EYS: variants seen among roughly 807,000 people sequenced by gnomAD.
EYS encodes the protein EGF-like photoreceptor maintenance factor.
A neutral mutation model predicts 282.1 loss-of-function variants in EYS; 250 were observed. The ratio of observed to expected loss-of-function variants is 0.89; its 90% confidence interval spans 0.80 to 0.98. EYS has a LOEUF of 0.98. Among genes scored for constraint, EYS ranks in the 50% least tolerant of loss-of-function variants. The pLI, the probability that EYS is intolerant of heterozygous loss-of-function variation, is 0.00. For missense variants in EYS, 4,016 were observed against 3,709.0 expected (o/e 1.08, Z -2.15); for synonymous variants, 1,355 against 1,282.9 (o/e 1.06, Z -1.20).
intron 5 of EYS, among the ~76,000 whole-genome samples, chr6:65,471,527 T>C (rs1765217641): frequency 6.6e-6 from 1 of 152,220 alleles, no homozygotes; most frequent in South Asian, 2.1e-4. Context: ...CTTGGACAAC[T>C]TGCTTAGCAT....
In EYS at chr6:63,721,121, T is replaced by C; in HGVS notation, c.8910A>G (p.Pro2970=). The C allele has an allele frequency of 6.4e-7, 1 of 1,551,496 alleles. No homozygotes were observed. Among genetic ancestry groups the C allele is most frequent in the Non-Finnish European group, 8.7e-7 (1 of 1,146,796 alleles). ...ACTGGAGGTTTCTCATTCTATAATT[T>C]GGATCAATGTATTTAATGTAAGAAT... ...MGNSYIKYID[P]NYRMRNLQFT... The change falls in exon 43 of 43, where the codon CCA becomes CCG. Residue 2970 remains proline, a synonymous_variant. Transcript: ENST00000503581.
Position 64,447,459 on chromosome 6 carries a change from AT to A in EYS, c.5645-8108del, listed in dbSNP as rs59741593. Among the ~76,000 whole-genome samples, 914 of 150,558 alleles carry A rather than the reference AT, an allele frequency of 6.1e-3. 6 individuals carry two copies. The highest frequency in any genetic ancestry group is 0.016 in the African/African-American group (670 of 41,184). The stretch of plus-strand genomic sequence containing the variant: ...TTTACATATGCTTCTTGAAATTCTG[AT>A]TTTTTTTTTCCTGGCAATGTAAAGA... On this transcript the variant is annotated intron_variant, in intron 26 of 42. Coordinates refer to ENST00000503581, the MANE Select transcript of EYS (RefSeq NM_001142800.2).
At chr6:65,045,132 T>C (rs767119764) in intron 13 of EYS, among the ~76,000 whole-genome samples, 7 of 151,916 alleles carry the variant, frequency 4.6e-5, no homozygotes, top group Non-Finnish European at 8.8e-5. Flanking sequence ...GAATGGTTTG[T>C]CTATATGCTA....
chr6:65,072,339 G>C (rs1255102749), intron 12 of EYS, among the ~76,000 whole-genome samples: 1 of 151,688 alleles, frequency 6.6e-6, no homozygotes, highest in Non-Finnish European at 1.5e-5. Flanking sequence ...CATGCAAGCA[G>C]ATATACACCA....
At chr6:64,406,324 A>G (rs1424527160) in intron 28 of EYS, among the ~76,000 whole-genome samples, 1 of 152,234 alleles carries the variant, frequency 6.6e-6, no homozygotes, top group Admixed American at 6.5e-5. Flanking sequence ...AGATGGATTA[A>G]AGACTTAAAT....
At chr6:65,415,145 T>G (rs985893636) in intron 5 of EYS, among the ~76,000 whole-genome samples, 1 of 152,156 alleles carries the variant, frequency 6.6e-6, no homozygotes. Context: ...GTAGAACTGT[T>G]TCTATGGTAT....
chr6:65,641,097 CA>C, intron 1 of EYS, among the ~76,000 whole-genome samples: 1 of 152,196 alleles, frequency 6.6e-6, no homozygotes, highest in East Asian at 1.9e-4. Context: ...ATATGTTTTC[CA>C]TATGTGCTTC....
At chr6:64,259,650 G>GTGCACA (rs1554222996) in intron 30 of EYS, among the ~76,000 whole-genome samples, 7 of 145,714 alleles carry the variant, frequency 4.8e-5, no homozygotes, top group South Asian at 2.2e-4. Flanking sequence ...TTACACACGC[G>GTGCACA]CACACACACA....
intron 30 of EYS, among the ~76,000 whole-genome samples, chr6:64,263,244 G>A (rs910786021): frequency 2.0e-5 from 3 of 151,914 alleles, no homozygotes; most frequent in Non-Finnish European, 2.9e-5. Context: ...TTCTGGGGAC[G>A]CTTCTGAAAG....
chr6:65,634,755 G>A (rs1043650955), intron 2 of EYS, among the ~76,000 whole-genome samples: 34 of 151,986 alleles, frequency 2.2e-4, no homozygotes, highest in Admixed American at 1.3e-3. Context: ...AAATCTAGTC[G>A]TAACCCCATC....
At chr6:64,762,167 A>C (rs1031703941) in intron 22 of EYS, among the ~76,000 whole-genome samples, 1 of 152,222 alleles carries the variant, frequency 6.6e-6, no homozygotes. Flanking sequence ...TACTCCATAG[A>C]CCATATAAAA....
chr6:64,786,943 T>C (rs180803325), intron 22 of EYS, among the ~76,000 whole-genome samples: 1 of 152,202 alleles, frequency 6.6e-6, no homozygotes, highest in Admixed American at 6.5e-5. Context: ...TGAGTTTCAC[T>C]CTTGGCTTTC....
At chr6:63,987,106 T>C (rs1446638044) in intron 34 of EYS, among the ~76,000 whole-genome samples, 1 of 151,666 alleles carries the variant, frequency 6.6e-6, no homozygotes, top group Non-Finnish European at 1.5e-5. Context: ...GCAAATAAGA[T>C]GAATATTTCA....
chr6:65,352,766 A>G (rs1764335073), intron 9 of EYS, among the ~76,000 whole-genome samples: 1 of 151,906 alleles, frequency 6.6e-6, no homozygotes, highest in African/African-American at 2.4e-5. Context: ...GTCAAAACCT[A>G]TAGTAATTTT....
intron 13 of EYS, among the ~76,000 whole-genome samples, chr6:65,013,135 C>T (rs1771933249): frequency 6.6e-6 from 1 of 152,098 alleles, no homozygotes; most frequent in Admixed American, 6.6e-5. Context: ...TTTCTAATTA[C>T]CTACTGCTAA....
intron 15 of EYS, among the ~76,000 whole-genome samples, chr6:64,930,403 A>C (rs561611628): frequency 3.3e-5 from 5 of 151,486 alleles, no homozygotes; most frequent in African/African-American, 1.2e-4. Flanking sequence ...CCTGAACTAA[A>C]ATTTTGTCAT....
chr6:64,364,229 C>G (rs577676734), intron 29 of EYS, among the ~76,000 whole-genome samples: 1 of 151,922 alleles, frequency 6.6e-6, no homozygotes, highest in Admixed American at 6.6e-5. Flanking sequence ...AGTATCTTGG[C>G]CATGGCTGAC....
At chr6:65,533,673 G>T (rs371515761) in intron 2 of EYS, among the ~76,000 whole-genome samples, 20 of 152,182 alleles carry the variant, frequency 1.3e-4, no homozygotes, top group African/African-American at 4.8e-4. Context: ...AAAGGAGCTT[G>T]TTCACCCATT....
chr6:64,258,166 G>A (rs2057162), intron 30 of EYS, among the ~76,000 whole-genome samples: 104,498 of 151,900 alleles, frequency 0.69, 35,970 homozygotes, highest in South Asian at 0.71. Context: ...AATGTTATAT[G>A]TGAAAGTAAG....
Sources: gnomAD v4.1 joint callset for allele counts (sites outside exome capture counted in the v4.1 genomes callset) on GRCh38, gnomAD v4.1.1 for gene constraint, MANE v1.5 for transcripts, NCBI Gene and HGNC (gene_info 2026-07-23, HGNC 2026-07-21) for gene names.